Variants in TEX19 observed in about 807,000 individuals in gnomAD.
The protein encoded by TEX19 is testis expressed 19.
For missense variants in TEX19, 184 were observed against 194.4 expected (o/e 0.95, Z 0.32); for synonymous variants, 77 against 73.9 (o/e 1.04, Z -0.21).
rs74520618 is a variant in TEX19 at position 82,359,304 on chromosome 17, G to A, written c.-272+19G>A. On this transcript the variant is annotated intron_variant, in intron 1 of 1. Transcript: ENST00000333437. ...CAGGATGGTGAGATCTCCCGAGGAG[G>A]GGTCTCTGAGGAGGGGTCTCGGAGA... The A allele has an allele frequency of 0.028, 4,335 of 152,364 alleles. 81 individuals are homozygous for A. The highest frequency in any genetic ancestry group is 0.042 in the Non-Finnish European group (2,857 of 68,086). 9.4% of individuals were successfully genotyped at this position (152,364 alleles called of 1,614,324 possible).
intron 1 of TEX19, among the ~76,000 whole-genome samples, chr17:82,360,978 GGTT>G (rs2052385318): frequency 1.7e-5 from 1 of 57,668 alleles, no homozygotes; most frequent in Non-Finnish European, 3.7e-5. Context: ...GTTTCCCTCA[GGTT>G]CCCTCAGTTT....
chr17:82,361,146 C>G (rs1450772234), intron 1 of TEX19, among the ~76,000 whole-genome samples: 2 of 129,498 alleles, frequency 1.5e-5, no homozygotes, highest in Non-Finnish European at 3.3e-5. Context: ...CAGGTCCCCT[C>G]AGGCTCTGCC....
At chr17:82,359,754 T>C (rs1181944077) in intron 1 of TEX19, among the ~76,000 whole-genome samples, 1 of 122,002 alleles carries the variant, frequency 8.2e-6, no homozygotes, top group Non-Finnish European at 1.8e-5. Context: ...GTTCCCTCAG[T>C]TTCCCCCAGC....
At chr17:82,360,547 C>A (rs1396826605) in intron 1 of TEX19, among the ~76,000 whole-genome samples, 1 of 101,276 alleles carries the variant, frequency 9.9e-6, no homozygotes. Flanking sequence ...CCCTCAGTTT[C>A]CCCCAGTTTC....
At position 82,362,430 on chromosome 17, in the gene TEX19, G is replaced by C; in HGVS notation, c.280G>C (p.Gly94Arg). 1 of 1,612,874 alleles carries C rather than the reference G, an allele frequency of 6.2e-7. No homozygotes were observed. Among genetic ancestry groups the C allele is most frequent in the Non-Finnish European group, 8.5e-7 (1 of 1,179,856 alleles). Residue 94 changes from glycine (G) to arginine (R), a missense_variant, in exon 2 of 2, where the codon GGC becomes CGC. Transcript: ENST00000333437. This position sits in a 1 kb window ranked among gnomAD's most constrained non-coding sequence, Gnocchi z 5.5. ...GQSPGQPVQG[G>R]SEAWGPGTLA... is the part of the protein sequence containing the mutation. ...GAGCCCAGGACAGCCTGTGCAGGGGGGCTCTGAGGCATGGGGGCCAGGGAC... is the reference window on the plus strand; with the variant it reads ...GAGCCCAGGACAGCCTGTGCAGGGGCGCTCTGAGGCATGGGGGCCAGGGAC...
intron 1 of TEX19, among the ~76,000 whole-genome samples, chr17:82,360,775 A>C (rs1165497639): frequency 1.6e-4 from 8 of 49,200 alleles, no homozygotes; most frequent in Non-Finnish European, 2.0e-4. Flanking sequence ...AGTTTCCCTC[A>C]AGTTTCCCTC....
At chr17:82,360,630 C>T (rs1242607615) in intron 1 of TEX19, among the ~76,000 whole-genome samples, 1 of 139,358 alleles carries the variant, frequency 7.2e-6, no homozygotes, top group Non-Finnish European at 1.5e-5. Flanking sequence ...CTCAGTTTCC[C>T]TCAGGTTCCC....
Position 82,362,194 on chromosome 17 carries a change from C to G in TEX19, c.44C>G (p.Ser15Cys), listed in dbSNP as rs138453353. The G allele has an allele frequency of 2.3e-4, 369 of 1,613,332 alleles. 1 individual carries two copies. In the African/African-American group the frequency reaches 4.6e-3, roughly 20 times the overall value. Residue 15 changes from serine (S) to cysteine (C), a missense_variant, in exon 2 of 2, where the codon TCC (serine) becomes TGC (cysteine). Physicochemically the swap from Ser to Cys is moderately radical, Grantham distance 112. Coordinates refer to ENST00000333437, the MANE Select transcript of TEX19 (RefSeq NM_207459.4). The surrounding 1 kb of genome is among the most constrained non-coding windows in gnomAD (Gnocchi z 5.5). ...VSMRYEEEGM[S>C]YLYASWMYQL... ...ATGCGGTATGAGGAAGAGGGCATGT[C>G]CTACCTCTACGCCTCCTGGATGTAT...
intron 1 of TEX19, among the ~76,000 whole-genome samples, chr17:82,360,999 T>G (rs1193624352): frequency 9.3e-6 from 1 of 107,486 alleles, no homozygotes; most frequent in African/African-American, 3.3e-5. Context: ...TTTTCCCCAG[T>G]TTCCCTCAGG....
In TEX19 at chr17:82,362,083, G is replaced by T; in HGVS notation, c.-68G>T. On this transcript the variant is annotated 5_prime_UTR_variant, in exon 2 of 2. Transcript: ENST00000333437. The surrounding 1 kb of genome is among the most constrained non-coding windows in gnomAD (Gnocchi z 5.5). Reference sequence around the variant, plus strand: ...CTACTGGCCTCAGCACCTGTGGCCAGACCGTCCAAGATCCTCTGAAGGCCC... The same window carrying T: ...CTACTGGCCTCAGCACCTGTGGCCATACCGTCCAAGATCCTCTGAAGGCCC... 1 of 1,540,384 alleles carries T rather than the reference G, an allele frequency of 6.5e-7. No homozygotes were observed. Among genetic ancestry groups the T allele is most frequent in the South Asian group, 1.3e-5 (1 of 79,340 alleles).
At chr17:82,361,009 G>T (rs1189550185) in intron 1 of TEX19, among the ~76,000 whole-genome samples, 2 of 84,684 alleles carry the variant, frequency 2.4e-5, no homozygotes, top group African/African-American at 4.3e-5. Flanking sequence ...TTTCCCTCAG[G>T]TTCCCTCAGT....
At chr17:82,361,648 A>G in intron 1 of TEX19, 1 of 985,326 alleles carries the variant, frequency 1.0e-6, no homozygotes, top group African/African-American at 1.7e-5. Flanking sequence ...AGGTTCTGTC[A>G]GGTGAAGCTG....
Position 82,362,207 on chromosome 17 carries a change from C to T in TEX19, c.57C>T (p.Ala19=). ...AAGAGGGCATGTCCTACCTCTACGCCTCCTGGATGTATCAGCTTCAACATG... is the reference window on the plus strand; with the variant it reads ...AAGAGGGCATGTCCTACCTCTACGCTTCCTGGATGTATCAGCTTCAACATG... The part of the protein sequence containing the change: ...YEEEGMSYLY[A]SWMYQLQHGD... The change falls in exon 2 of 2, where the codon GCC becomes GCT. Residue 19 remains alanine (A), a synonymous_variant. Coordinates refer to ENST00000333437, the MANE Select transcript of TEX19 (RefSeq NM_207459.4). The surrounding 1 kb of genome is among the most constrained non-coding windows in gnomAD (Gnocchi z 5.5). The T allele has an allele frequency of 5.0e-6, 8 of 1,613,674 alleles. No individual in the cohort carries two copies. Among genetic ancestry groups the T allele is most frequent in the Non-Finnish European group, 6.8e-6 (8 of 1,180,002 alleles).
At chr17:82,359,314 G>C (rs1462865100) in intron 1 of TEX19, 29 bp downstream of exon 1, 1 of 152,310 alleles carries the variant, frequency 6.6e-6, no homozygotes, top group African/African-American at 2.4e-5. Flanking sequence ...GGGTCTCTGA[G>C]GAGGGGTCTC....
intron 1 of TEX19, 145 bp from the exon 2 acceptor site, chr17:82,361,735 C>G (rs978941402): frequency 3.9e-5 from 40 of 1,016,090 alleles, no homozygotes; most frequent in Non-Finnish European, 4.7e-5. Context: ...CTGAAGGCCT[C>G]CCAGCCCCGG....
intron 1 of TEX19, 43 bp downstream of exon 1, chr17:82,359,328 GAC>G (rs1425009175): frequency 2.0e-5 from 3 of 152,372 alleles, no homozygotes; most frequent in African/African-American, 7.2e-5. Context: ...GGGTCTCGGA[GAC>G]ACGGCCTGGT....
intron 1 of TEX19, among the ~76,000 whole-genome samples, chr17:82,360,724 A>C (rs1218417807): frequency 3.5e-4 from 22 of 63,184 alleles, no homozygotes; most frequent in Admixed American, 7.2e-4. Context: ...AGTTTCCCTC[A>C]AGTTTCCCTC....
Position 82,362,144 on chromosome 17 carries a change from C to A in TEX19, c.-7C>A. On this transcript the variant is annotated 5_prime_UTR_variant, in exon 2 of 2. Transcript: ENST00000333437. This position sits in a 1 kb window ranked among gnomAD's most constrained non-coding sequence, Gnocchi z 5.5. Reference sequence around the variant, plus strand: ...GTCCACCCCGGCAGTAGGCAGGCAGCCTGGCCATGTGCCCTCCGGTCAGCA... The same window carrying A: ...GTCCACCCCGGCAGTAGGCAGGCAGACTGGCCATGTGCCCTCCGGTCAGCA... The A allele has an allele frequency of 1.3e-6, 2 of 1,594,722 alleles. No individual in the cohort carries two copies. Among genetic ancestry groups the A allele is most frequent in the Non-Finnish European group, 1.7e-6 (2 of 1,170,976 alleles).
In TEX19 at chr17:82,363,473, T is replaced by C. The variant is rs532359866; in HGVS notation, c.*828T>C. 3 of 166,948 alleles carry C rather than the reference T, an allele frequency of 1.8e-5. No homozygotes were observed. Among genetic ancestry groups the C allele is most frequent in the Non-Finnish European group, 2.9e-5 (2 of 68,118 alleles). 10.3% of individuals were successfully genotyped at this position (166,948 alleles called of 1,614,324 possible). Reference sequence around the variant, plus strand: ...GCCTGAATGGCTGTTGTGCTGCTTGTGACATGGGGGGCAGGGCACAGAACT... The same window carrying C: ...GCCTGAATGGCTGTTGTGCTGCTTGCGACATGGGGGGCAGGGCACAGAACT... On this transcript the variant is annotated 3_prime_UTR_variant, in exon 2 of 2. Transcript: ENST00000333437.
Sources: gnomAD v4.1 joint callset for allele counts (sites outside exome capture counted in the v4.1 genomes callset) on GRCh38, gnomAD v4.1.1 for gene constraint, Gnocchi (gnomAD v3.1) non-coding constraint, MANE v1.5 for transcripts, NCBI Gene and HGNC (gene_info 2026-07-23, HGNC 2026-07-21) for gene names.